Variants in F8 observed in about 807,000 individuals in gnomAD.
The protein encoded by F8 is antihemophilic factor.
Under a neutral mutation model 140.6 loss-of-function variants are expected in F8, and 12 were observed. The ratio of observed to expected loss-of-function variants is 0.09; its 90% CI spans 0.05 to 0.14. The LOEUF (loss-of-function observed/expected upper bound fraction) is 0.14, where lower values mean the gene tolerates loss of function less well. F8 is among the 10% of genes least tolerant of loss of function. The probability of loss-of-function intolerance (pLI) is 1.00; values close to 1 mark genes in which losing one functional copy is unlikely to be tolerated. For missense variants in F8, 1,354 were observed against 1,720.7 expected (o/e 0.79, Z 3.77); for synonymous variants, 585 against 614.6 (o/e 0.95, Z 0.71).
At chrX:154,919,631 G>A in intron 14 of F8, 1 of 702,414 alleles carries the variant, frequency 1.4e-6, no homozygotes. Context: ...TCTGTCTTCA[G>A]CATCCATTTT....
chrX:154,979,207 C>T (rs1032061445), intron 6 of F8, among the ~76,000 whole-genome samples: 5 of 111,674 alleles, frequency 4.5e-5, no homozygotes, highest in Non-Finnish European at 9.4e-5. Flanking sequence ...TCTGTGCTGG[C>T]GTTGGTTGTG....
chrX:154,878,042 C>G (rs1052756715), intron 22 of F8, among the ~76,000 whole-genome samples: 1 of 111,587 alleles, frequency 9.0e-6, no homozygotes, highest in Non-Finnish European at 1.9e-5. Flanking sequence ...TTCTTAAACT[C>G]TTCCAAGAGA....
chrX:154,879,292 C>CAT (rs1398020100), intron 22 of F8, among the ~76,000 whole-genome samples: 2 of 111,922 alleles, frequency 1.8e-5, no homozygotes, highest in African/African-American at 6.5e-5. Context: ...TAAGGACAGA[C>CAT]ATATATATAA....
At chrX:155,019,709 T>C (rs368013576) in intron 1 of F8, among the ~76,000 whole-genome samples, 4 of 110,602 alleles carry the variant, frequency 3.6e-5, no homozygotes, top group African/African-American at 1.3e-4. Context: ...TACAGGAGAA[T>C]TGCTTGAATC....
intron 12 of F8, among the ~76,000 whole-genome samples, chrX:154,948,805 A>G (rs983542398): frequency 1.8e-5 from 2 of 112,155 alleles, no homozygotes; most frequent in Non-Finnish European, 3.8e-5. Flanking sequence ...AGCAATACTT[A>G]GACATTGGCT....
At chrX:155,002,062 A>C in intron 1 of F8, among the ~76,000 whole-genome samples, 1 of 112,643 alleles carries the variant, frequency 8.9e-6, no homozygotes. Flanking sequence ...GACTACTCTA[A>C]GTACCCAATA....
intron 12 of F8, among the ~76,000 whole-genome samples, chrX:154,951,661 G>A (rs2073338371): frequency 9.0e-6 from 1 of 110,732 alleles, no homozygotes; most frequent in Admixed American, 9.7e-5. Context: ...GTGATTTATG[G>A]TTTGGGTCTC....
In F8 at chrX:154,930,726, T is replaced by C. The variant is rs202054501; in HGVS notation, c.3064A>G (p.Thr1022Ala). Residue 1022 changes from threonine (T) to alanine (A), a missense_variant, in exon 14 of 26, where the codon ACT becomes GCT. Physicochemically the swap from Thr to Ala is moderately conservative, Grantham distance 58 (BLOSUM62 0). Coordinates refer to ENST00000360256, the MANE Select transcript of F8 (RefSeq NM_000132.4). ...CTATTAGTTGCTGAATTATTGGAAG[T>C]TTTGTTTGTCTTTAACAAAGAGATG... Reference protein sequence around the residue: ...VSISLLKTNKTSNNSATNRKT... With the variant: ...VSISLLKTNKASNNSATNRKT... 8.3e-7 allele frequency: 1 copy of C among 1,207,981 alleles called. No individual in the cohort carries two copies. The highest frequency in any genetic ancestry group is 1.7e-5 in the African/African-American group (1 of 57,170).
At chrX:154,871,592 TCCTAGAAGAAAA>T (rs1181078905) in intron 22 of F8, among the ~76,000 whole-genome samples, 2 of 111,694 alleles carry the variant, frequency 1.8e-5, no homozygotes, top group Non-Finnish European at 3.8e-5. Context: ...ACCATAAAAA[TCCTAGAAGAAAA>T]CCTGGGCAAT....
chrX:154,991,417 C>T (rs1014236475), intron 4 of F8, among the ~76,000 whole-genome samples: 1 of 112,084 alleles, frequency 8.9e-6, no homozygotes, highest in Non-Finnish European at 1.9e-5. Context: ...TCTCTATATA[C>T]TTGTTCTATT....
In F8 at chrX:154,904,610, C is replaced by T. The variant is rs1042640673; in HGVS notation, c.5587-86G>A. 3 of 877,295 alleles carry T rather than the reference C, an allele frequency of 3.4e-6. No individual in the cohort carries two copies. In the African/African-American group the frequency reaches 5.9e-5, roughly 17 times the overall value. The allele number at this position is 877,295 out of a possible 1,213,427, so 72.3% of individuals were successfully genotyped here. ...ATTTCTCATCAATTTTTATGCCAGT[C>T]CAACCTGCCTCCCACCTTCCAAAAA... is the stretch of plus-strand genomic sequence containing the variant. On this transcript the variant is annotated intron_variant, in intron 16 of 25. Transcript: ENST00000360256.
chrX:154,939,202 C>T (rs782482364), intron 13 of F8, among the ~76,000 whole-genome samples: 35 of 111,694 alleles, frequency 3.1e-4, no homozygotes, highest in African/African-American at 1.0e-3. Flanking sequence ...GTGCGTGAGC[C>T]GAAGCAGGGC....
chrX:154,970,587 G>A lies in F8; in HGVS notation c.788-1035C>T, dbSNP rs146924808. 1.8e-3 allele frequency among the ~76,000 whole-genome samples: 201 copies of A among 111,471 alleles called. 1 individual carries two copies. The highest frequency in any genetic ancestry group is 5.7e-3 in the African/African-American group (176 of 30,674). ...CATTCCAGATCTGATTGTAGTATCC[G>A]CCAGCCTAAAACCCACTGGAGGCTG... On this transcript the variant is annotated intron_variant, in intron 6 of 25. Coordinates refer to ENST00000360256, the MANE Select transcript of F8 (RefSeq NM_000132.4).
At chrX:154,920,542 C>A (rs2073124625) in intron 14 of F8, among the ~76,000 whole-genome samples, 1 of 110,445 alleles carries the variant, frequency 9.1e-6, no homozygotes, top group Non-Finnish European at 1.9e-5. Flanking sequence ...GCCTTGACCC[C>A]CCCAGGCTCA....
chrX:154,935,075 T>C (rs782676331), intron 13 of F8, among the ~76,000 whole-genome samples: 76 of 110,432 alleles, frequency 6.9e-4, no homozygotes, highest in African/African-American at 2.5e-3. Flanking sequence ...GGTGGGAGGA[T>C]TGCTTGAGCC....
chrX:154,948,025 G>T, intron 12 of F8, 118 bp from the exon 13 acceptor site: 1 of 608,854 alleles, frequency 1.6e-6, no homozygotes, highest in Non-Finnish European at 2.7e-6. Flanking sequence ...TTATTCCCAG[G>T]AAGAGATATT....
chrX:155,009,250 T>C lies in F8; in HGVS notation c.144-9650A>G, dbSNP rs781843260. 1.3e-3 allele frequency among the ~76,000 whole-genome samples: 147 copies of C among 111,270 alleles called. 2 individuals carry two copies. Among genetic ancestry groups the C allele is most frequent in the African/African-American group, 4.7e-3 (145 of 30,648 alleles). On this transcript the variant is annotated intron_variant, in intron 1 of 25. Transcript: ENST00000360256. ...CATGGCACTAGTCTTAACATAAGCC[T>C]ATGTAGTTTTCAGTCATTTAACATT...
At chrX:154,846,864 G>A (rs1369528146) in intron 25 of F8, among the ~76,000 whole-genome samples, 10 of 112,050 alleles carry the variant, frequency 8.9e-5, no homozygotes, top group African/African-American at 3.2e-4. Flanking sequence ...AGTTGATGCA[G>A]TTTCTTCCTA....
intron 6 of F8, among the ~76,000 whole-genome samples, chrX:154,972,460 A>C (rs782098020): frequency 1.8e-4 from 20 of 110,880 alleles, no homozygotes; most frequent in Admixed American, 1.3e-3. Context: ...ATTTTCTCCC[A>C]TTCTATAGGT....
Sources: allele counts gnomAD v4.1 joint callset (sites outside exome capture counted in the v4.1 genomes callset), GRCh38; gene constraint gnomAD v4.1.1; transcripts MANE v1.5; gene names NCBI Gene and HGNC (gene_info 2026-07-23, HGNC 2026-07-21).